Variants in BBS9 observed in about 807,000 individuals in gnomAD.
The protein encoded by BBS9 is protein PTHB1.
In BBS9, 89 loss-of-function variants were observed where a neutral mutation model predicts 117.7. That is an observed-to-expected ratio of 0.76 (90% CI 0.64 to 0.90). The LOEUF (loss-of-function observed/expected upper bound fraction) is 0.90, where lower values mean the gene tolerates loss of function less well. BBS9 is among the 40% of genes least tolerant of loss of function. The pLI, the probability that BBS9 is intolerant of heterozygous loss-of-function variation, is 0.00. For missense variants in BBS9, 982 were observed against 1,042.2 expected (o/e 0.94, Z 0.80); for synonymous variants, 379 against 370.9 (o/e 1.02, Z -0.25).
intron 21 of BBS9, among the ~76,000 whole-genome samples, chr7:33,535,176 T>C (rs891291465): frequency 1.5e-4 from 23 of 152,320 alleles, no homozygotes; most frequent in Non-Finnish European, 2.8e-4. Context: ...TGCCTCTTTT[T>C]ATCCATTACT....
chr7:33,328,603 G>A (rs1813320401), intron 9 of BBS9, among the ~76,000 whole-genome samples: 1 of 152,126 alleles, frequency 6.6e-6, no homozygotes, highest in Admixed American at 6.5e-5. Flanking sequence ...ACTATTTAGG[G>A]TTTTAAGATT....
intron 5 of BBS9, among the ~76,000 whole-genome samples, chr7:33,188,547 A>G (rs1243128590): frequency 6.6e-6 from 1 of 152,210 alleles, no homozygotes; most frequent in African/African-American, 2.4e-5. Context: ...AAGGGTAGGG[A>G]TAAGAAGAGG....
intron 17 of BBS9, among the ~76,000 whole-genome samples, chr7:33,369,979 C>A (rs953469397): frequency 1.3e-5 from 2 of 152,140 alleles, no homozygotes; most frequent in African/African-American, 4.8e-5. Context: ...TCCGTGTATT[C>A]ATCTCTTTTT....
intron 21 of BBS9, among the ~76,000 whole-genome samples, chr7:33,597,647 CT>C (rs1863071312): frequency 1.3e-5 from 2 of 151,974 alleles, no homozygotes; most frequent in African/African-American, 4.8e-5. Flanking sequence ...GGACGGCCAA[CT>C]CACAAGCAAA....
At chr7:33,554,718 G>A (rs1307813798) in intron 21 of BBS9, among the ~76,000 whole-genome samples, 1 of 152,196 alleles carries the variant, frequency 6.6e-6, no homozygotes, top group African/African-American at 2.4e-5. Context: ...AAAAGCCTGG[G>A]CTGCAGATGG....
intron 9 of BBS9, among the ~76,000 whole-genome samples, chr7:33,328,083 G>A (rs4298411): frequency 1 from 151,623 of 152,246 alleles, 75,505 homozygotes; most frequent in East Asian, 1. Flanking sequence ...GGGAGCTGGC[G>A]TGAAGAAAGT....
intron 7 of BBS9, among the ~76,000 whole-genome samples, chr7:33,265,582 T>C (rs1457662752): frequency 6.6e-6 from 1 of 152,180 alleles, no homozygotes; most frequent in East Asian, 1.9e-4. Flanking sequence ...CGGTGGCTCA[T>C]GCCTGTAATC....
chr7:33,287,108 A>G (rs148654475), intron 9 of BBS9, among the ~76,000 whole-genome samples: 2 of 152,324 alleles, frequency 1.3e-5, no homozygotes, highest in Admixed American at 1.3e-4. Context: ...CAGAGTTATC[A>G]TCAGAATAAA....
intron 19 of BBS9, among the ~76,000 whole-genome samples, chr7:33,404,306 A>G (rs1829516637): frequency 6.6e-6 from 1 of 152,178 alleles, no homozygotes; most frequent in Non-Finnish European, 1.5e-5. Context: ...CTTTTGGCTT[A>G]GGATTGACTT....
chr7:33,328,176 G>A (rs907313062), intron 9 of BBS9, among the ~76,000 whole-genome samples: 3 of 152,182 alleles, frequency 2.0e-5, no homozygotes, highest in South Asian at 2.1e-4. Flanking sequence ...CATCTGTGGG[G>A]ATCTACTTGT....
At chr7:33,597,027 C>A (rs141299706) in intron 21 of BBS9, among the ~76,000 whole-genome samples, 1 of 149,220 alleles carries the variant, frequency 6.7e-6, no homozygotes, top group Non-Finnish European at 1.5e-5. Context: ...GTCTATGTAC[C>A]TATGTGCATA....
intron 21 of BBS9, among the ~76,000 whole-genome samples, chr7:33,624,391 G>T (rs1055347070): frequency 6.6e-6 from 1 of 152,140 alleles, no homozygotes; most frequent in Non-Finnish European, 1.5e-5. Context: ...AGGATTGCTA[G>T]TGGGCAGAAA....
chr7:33,189,025 TA>T (rs1182090912), intron 5 of BBS9, among the ~76,000 whole-genome samples: 1 of 152,298 alleles, frequency 6.6e-6, no homozygotes, highest in South Asian at 2.1e-4. Flanking sequence ...TATTTTATTT[TA>T]TTTTTTTGTT....
At chr7:33,476,484 A>G (rs1307424278) in intron 19 of BBS9, among the ~76,000 whole-genome samples, 1 of 152,236 alleles carries the variant, frequency 6.6e-6, no homozygotes, top group East Asian at 1.9e-4. Context: ...TGCCTTGGGC[A>G]GCATCTTGGC....
At chr7:33,476,948 G>A (rs553180308) in intron 19 of BBS9, among the ~76,000 whole-genome samples, 2 of 152,260 alleles carry the variant, frequency 1.3e-5, no homozygotes, top group African/African-American at 4.8e-5. Flanking sequence ...AACATAAAAA[G>A]AAGTTTAAAA....
chr7:33,333,850 G>A lies in BBS9; in HGVS notation c.1017-2591G>A, dbSNP rs1168760934. Among the ~76,000 whole-genome samples, 10 of 152,096 alleles carry A rather than the reference G, an allele frequency of 6.6e-5. No individual in the cohort carries two copies. In the South Asian group the frequency reaches 1.5e-3, roughly 22 times the overall value. ...TGGTTTTGAACTTCTGACCTCAAGC[G>A]ATCCACCTGCCTCGGCTTTCCAAAA... On this transcript the variant is annotated intron_variant, in intron 9 of 22. Transcript: ENST00000242067.
chr7:33,130,985 TAGTA>T (rs1789509186), intron 1 of BBS9, among the ~76,000 whole-genome samples: 2 of 152,160 alleles, frequency 1.3e-5, no homozygotes, highest in African/African-American at 4.8e-5. Flanking sequence ...TTGAGGGATG[TAGTA>T]AGTCTTACGC....
intron 9 of BBS9, among the ~76,000 whole-genome samples, chr7:33,277,998 TTGGGG>T (rs1801073994): frequency 6.6e-6 from 1 of 152,156 alleles, no homozygotes; most frequent in Non-Finnish European, 1.5e-5. Context: ...CAGTTGAGTT[TTGGGG>T]AAGGGCTATT....
downstream of BBS9, among the ~76,000 whole-genome samples, chr7:33,607,115 A>G: frequency 6.6e-6 from 1 of 152,066 alleles, no homozygotes; most frequent in Non-Finnish European, 1.5e-5. Context: ...GGTAGGATAG[A>G]TTTGCAAGCT....
Sources: gnomAD v4.1 joint callset for allele counts (sites outside exome capture counted in the v4.1 genomes callset) on GRCh38, gnomAD v4.1.1 for gene constraint, MANE v1.5 for transcripts, NCBI Gene and HGNC (gene_info 2026-07-23, HGNC 2026-07-21) for gene names.